RARB: variants seen among roughly 807,000 people sequenced by gnomAD.
RARB encodes the protein HBV-activated protein.
Under a neutral mutation model 51.9 loss-of-function variants are expected in RARB, and 17 were observed. The ratio of observed to expected loss-of-function variants is 0.33; its 90% confidence interval spans 0.22 to 0.49. The LOEUF is 0.49. RARB is among the 20% of genes least tolerant of loss of function. RARB has a pLI of 0.99. For synonymous variants in RARB, 215 were observed against 195.4 expected, an observed-to-expected ratio of 1.10 and a Z score of -0.84; for missense variants, 369 against 550.8, an observed-to-expected ratio of 0.67 and a Z score of 3.30.
upstream of RARB, among the ~76,000 whole-genome samples, chr3:25,424,848 T>C (rs1248906833): frequency 6.6e-6 from 1 of 152,232 alleles, no homozygotes; most frequent in African/African-American, 2.4e-5. Context: ...ATGGTGTTTC[T>C]TTCTGGATTG....
At chr3:25,486,889 T>G (rs1389671363) in intron 2 of RARB, among the ~76,000 whole-genome samples, 2 of 152,214 alleles carry the variant, frequency 1.3e-5, no homozygotes, top group Non-Finnish European at 2.9e-5. Flanking sequence ...ATTATTAATT[T>G]TATTATCTAA....
At chr3:25,056,484 C>A (rs897526573) in intron 2 of RARB, among the ~76,000 whole-genome samples, 3 of 152,098 alleles carry the variant, frequency 2.0e-5, no homozygotes, top group African/African-American at 7.2e-5. Context: ...TGGACAATTA[C>A]AGAAAACTTT....
intron 2 of RARB, among the ~76,000 whole-genome samples, chr3:24,859,488 G>C (rs1702701073): frequency 6.6e-6 from 1 of 152,132 alleles, no homozygotes; most frequent in South Asian, 2.1e-4. Flanking sequence ...CTCTTCTAAA[G>C]CAGCTCTCTT....
intron 2 of RARB, among the ~76,000 whole-genome samples, chr3:25,032,828 T>C (rs1697903061): frequency 6.6e-6 from 1 of 152,236 alleles, no homozygotes; most frequent in Admixed American, 6.5e-5. Flanking sequence ...TTATAAAAGT[T>C]CACTAAGGCA....
intron 2 of RARB, among the ~76,000 whole-genome samples, chr3:25,467,325 G>C (rs1202077377): frequency 6.6e-6 from 1 of 152,198 alleles, no homozygotes; most frequent in Non-Finnish European, 1.5e-5. Flanking sequence ...TTCTGGATAG[G>C]TCTTCTTGTC....
Position 24,903,074 on chromosome 3 carries a change from T to C in RARB, c.-380+44322T>C, listed in dbSNP as rs186726485. 1.3e-4 allele frequency among the ~76,000 whole-genome samples: 20 copies of C among 152,248 alleles called. No homozygotes were observed. In the East Asian group the frequency reaches 2.1e-3, roughly 16 times the overall value. The stretch of plus-strand genomic sequence containing the variant: ...ACTGTTTTGACATGCTTTCAAATTT[T>C]ATAGAATTTATGAAAAATCTCCAAG... On this transcript the variant is annotated intron_variant, in intron 2 of 11. Transcript: ENST00000383772.
chr3:24,969,103 G>A (rs1310763110), intron 2 of RARB, among the ~76,000 whole-genome samples: 1 of 151,768 alleles, frequency 6.6e-6, no homozygotes. Flanking sequence ...ACAAAATTTT[G>A]AATAAATGGT....
At chr3:25,096,839 A>G (rs550235246) in intron 3 of RARB, among the ~76,000 whole-genome samples, 5 of 152,302 alleles carry the variant, frequency 3.3e-5, no homozygotes, top group Admixed American at 2.0e-4. Context: ...AGGTGCCACA[A>G]TAAGAAAGTG....
intron 3 of RARB, among the ~76,000 whole-genome samples, chr3:25,514,973 T>G (rs1408753917): frequency 6.6e-6 from 1 of 152,182 alleles, no homozygotes; most frequent in Non-Finnish European, 1.5e-5. Context: ...TCTGCAAATA[T>G]GCAGTCTCAG....
At chr3:25,273,207 T>C (rs1007959483) in intron 5 of RARB, among the ~76,000 whole-genome samples, 5 of 152,152 alleles carry the variant, frequency 3.3e-5, no homozygotes, top group Non-Finnish European at 7.4e-5. Flanking sequence ...TCATATTAAG[T>C]GCAGAATCAT....
At position 25,171,416 on chromosome 3, in the gene RARB, T is replaced by C. The variant is rs571030996; in HGVS notation, c.-279-2703T>C. 3.8e-4 allele frequency among the ~76,000 whole-genome samples: 54 copies of C among 143,458 alleles called. No individual in the cohort carries two copies. In the South Asian group the frequency reaches 4.7e-3, roughly 12 times the overall value. The allele number at this position is 143,458 out of a possible 152,430, so 94.1% of individuals were successfully genotyped here. ...CTCAGACAATTTTCCACCAACCTAA[T>C]GTCGGGATTTTCTCGACACATTGAT... On this transcript the variant is annotated intron_variant, in intron 4 of 11. Transcript: ENST00000383772.
At chr3:25,431,016 C>G (rs934309417) in intron 1 of RARB, among the ~76,000 whole-genome samples, 3 of 81,718 alleles carry the variant, frequency 3.7e-5, no homozygotes, top group African/African-American at 9.6e-5. Flanking sequence ...TTTAGAGATT[C>G]TAACAAATGT....
chr3:25,140,576 G>A (rs1700092776), intron 4 of RARB, among the ~76,000 whole-genome samples: 2 of 152,178 alleles, frequency 1.3e-5, no homozygotes, highest in African/African-American at 4.8e-5. Context: ...TATTCCTGGT[G>A]AAGATGCTGT....
At chr3:25,200,795 A>G (rs1701369316) in intron 5 of RARB, among the ~76,000 whole-genome samples, 1 of 151,902 alleles carries the variant, frequency 6.6e-6, no homozygotes, top group Non-Finnish European at 1.5e-5. Flanking sequence ...TGTTCCATTG[A>G]TCTATATCTC....
At chr3:25,361,763 G>T (rs747348868) in intron 5 of RARB, among the ~76,000 whole-genome samples, 47 of 152,192 alleles carry the variant, frequency 3.1e-4, no homozygotes, top group Non-Finnish European at 5.9e-4. Context: ...GCTGGAGTTT[G>T]CTGGGGTCCA....
chr3:25,592,873 C>T lies in RARB; in HGVS notation c.787-630C>T, dbSNP rs546854572. ...GTACCTTGCTGGTTTCACTCATGTC[C>T]CTTGTATTACAGCTGCCTGTGTAAC... On this transcript the variant is annotated intron_variant, in intron 5 of 7. Coordinates refer to ENST00000330688, the MANE Select transcript of RARB (RefSeq NM_000965.5). Among the ~76,000 whole-genome samples the T allele has an allele frequency of 2.3e-3, 343 of 152,240 alleles. 1 individual carries two copies. The highest frequency in any genetic ancestry group is 7.8e-3 in the African/African-American group (322 of 41,532).
intron 2 of RARB, among the ~76,000 whole-genome samples, chr3:24,968,443 G>A (rs1181337723): frequency 6.6e-6 from 1 of 152,108 alleles, no homozygotes; most frequent in Non-Finnish European, 1.5e-5. Flanking sequence ...TTAGAAATTA[G>A]TGGTGGTTAA....
chr3:25,341,156 CAA>C (rs992816936), intron 5 of RARB, among the ~76,000 whole-genome samples: 1 of 152,082 alleles, frequency 6.6e-6, no homozygotes, highest in Admixed American at 6.6e-5. Context: ...TCTTGGAGAC[CAA>C]AAGTCTTCTG....
intron 5 of RARB, among the ~76,000 whole-genome samples, chr3:25,257,995 G>A (rs1234378839): frequency 3.3e-5 from 5 of 152,102 alleles, no homozygotes; most frequent in South Asian, 2.1e-4. Context: ...ACTGACTTAC[G>A]TTGTAATGAT....
Sources: allele counts gnomAD v4.1 joint callset (sites outside exome capture counted in the v4.1 genomes callset), GRCh38; gene constraint gnomAD v4.1.1; transcripts MANE v1.5; gene names NCBI Gene and HGNC (gene_info 2026-07-23, HGNC 2026-07-21).